SPAG16: variants seen among roughly 807,000 people sequenced by gnomAD.
SPAG16 encodes the protein sperm associated antigen 16.
A neutral mutation model predicts 80.4 loss-of-function variants in SPAG16; 86 were observed. The observed-to-expected ratio is 1.07, with a 90% CI of 0.90 to 1.28. The LOEUF (loss-of-function observed/expected upper bound fraction) is 1.28, where lower values mean the gene tolerates loss of function less well. Ranked by LOEUF, SPAG16 falls within the 50% of genes most tolerant of loss-of-function variation. SPAG16 has a pLI of 0.00. For synonymous variants in SPAG16, 294 were observed against 265.9 expected, an observed-to-expected ratio of 1.11 and a Z score of -1.03; for missense variants, 870 against 765.3, an observed-to-expected ratio of 1.14 and a Z score of -1.61.
chr2:213,950,697 T>C (rs1282230217), intron 12 of SPAG16, among the ~76,000 whole-genome samples: 2 of 114,340 alleles, frequency 1.7e-5, no homozygotes, highest in African/African-American at 5.7e-5. Flanking sequence ...TTTTCTTTTT[T>C]CTTTCTTTTT....
intron 15 of SPAG16, among the ~76,000 whole-genome samples, chr2:214,336,247 A>C (rs1325874115): frequency 1.3e-5 from 2 of 152,116 alleles, no homozygotes; most frequent in Non-Finnish European, 2.9e-5. Flanking sequence ...TTTATTATTT[A>C]ATTTGGACAA....
chr2:214,198,024 A>T (rs903878097), intron 15 of SPAG16, among the ~76,000 whole-genome samples: 2 of 152,078 alleles, frequency 1.3e-5, no homozygotes, highest in Non-Finnish European at 2.9e-5. Context: ...ATCGTGTATA[A>T]TCTTATAGAT....
Position 213,781,612 on chromosome 2 carries a change from C to A in SPAG16, c.1071-80873C>A, listed in dbSNP as rs77477399. Among the ~76,000 whole-genome samples the A allele has an allele frequency of 3.3e-5, 5 of 152,070 alleles. No individual in the cohort carries two copies. In the East Asian group the frequency reaches 5.8e-4, roughly 18 times the overall value. ...ACAGTATTTAAATTCAAACGGAAAG[C>A]GGTATTTTACATTAAGGAGAAAAAT... On this transcript the variant is annotated intron_variant, in intron 10 of 15. Transcript: ENST00000331683.
intron 10 of SPAG16, among the ~76,000 whole-genome samples, chr2:213,583,689 G>A (rs2060369794): frequency 6.6e-6 from 1 of 152,048 alleles, no homozygotes; most frequent in South Asian, 2.1e-4. Flanking sequence ...CTTCTCAGCT[G>A]CCTTTTGTAA....
At chr2:213,576,172 A>C (rs185630629) in intron 10 of SPAG16, among the ~76,000 whole-genome samples, 35 of 152,290 alleles carry the variant, frequency 2.3e-4, no homozygotes, top group Non-Finnish European at 4.7e-4. Flanking sequence ...CCATTTATTG[A>C]ATAGCGAGTC....
chr2:213,983,581 T>TG (rs1157536235), intron 12 of SPAG16, among the ~76,000 whole-genome samples: 1 of 152,028 alleles, frequency 6.6e-6, no homozygotes, highest in Non-Finnish European at 1.5e-5. Flanking sequence ...AGGCCTACAA[T>TG]GTTCCATGAA....
intron 12 of SPAG16, among the ~76,000 whole-genome samples, chr2:213,947,290 T>C (rs546969184): frequency 4.6e-5 from 7 of 152,300 alleles, no homozygotes; most frequent in African/African-American, 1.7e-4. Context: ...TTCTAGTCTG[T>C]GGTATTTTAC....
chr2:214,166,379 A>C (rs1051813735), intron 15 of SPAG16, among the ~76,000 whole-genome samples: 1 of 152,156 alleles, frequency 6.6e-6, no homozygotes, highest in African/African-American at 2.4e-5. Context: ...GAAGGGCAGG[A>C]AGAGAGGGAG....
At chr2:213,883,771 C>T (rs1209973001) in intron 11 of SPAG16, among the ~76,000 whole-genome samples, 1 of 152,146 alleles carries the variant, frequency 6.6e-6, no homozygotes, top group East Asian at 1.9e-4. Flanking sequence ...TAATGCCTTC[C>T]ATTGCCCTTT....
intron 4 of SPAG16, 52 bp from the exon 5 acceptor site, chr2:213,317,167 C>A: frequency 8.2e-7 from 1 of 1,217,488 alleles, no homozygotes; most frequent in Admixed American, 2.3e-5. Flanking sequence ...ATAAATTAAG[C>A]CAATTTGGCA....
chr2:213,791,359 G>C (rs751738433), intron 10 of SPAG16, among the ~76,000 whole-genome samples: 3 of 151,540 alleles, frequency 2.0e-5, no homozygotes, highest in African/African-American at 4.8e-5. Flanking sequence ...TTTGGTAAAA[G>C]TGGAAAGCAA....
At chr2:213,374,059 C>T (rs1208470455) in intron 8 of SPAG16, among the ~76,000 whole-genome samples, 1 of 152,018 alleles carries the variant, frequency 6.6e-6, no homozygotes, top group Non-Finnish European at 1.5e-5. Flanking sequence ...GTTTGGACAC[C>T]CAGGTCTCTC....
At chr2:213,994,577 C>CTT (rs5838404) in intron 12 of SPAG16, among the ~76,000 whole-genome samples, 35 of 139,122 alleles carry the variant, frequency 2.5e-4, no homozygotes, top group African/African-American at 7.6e-4. Context: ...ATTTTCCATC[C>CTT]TTTTTTTTTT....
intron 5 of SPAG16, among the ~76,000 whole-genome samples, chr2:213,329,415 G>T (rs779133394): frequency 2.0e-5 from 3 of 152,188 alleles, no homozygotes; most frequent in Non-Finnish European, 4.4e-5. Flanking sequence ...GGGAACTGGA[G>T]CAAAGGTGAC....
At chr2:213,505,657 A>C (rs2074937914) in intron 10 of SPAG16, among the ~76,000 whole-genome samples, 1 of 152,118 alleles carries the variant, frequency 6.6e-6, no homozygotes, top group East Asian at 1.9e-4. Flanking sequence ...TTTCTTTTAA[A>C]ATGAAAATGA....
At chr2:213,652,652 A>G (rs1340387747) in intron 10 of SPAG16, among the ~76,000 whole-genome samples, 2 of 152,130 alleles carry the variant, frequency 1.3e-5, no homozygotes, top group Non-Finnish European at 2.9e-5. Flanking sequence ...ATTATATCAG[A>G]CATTTTTTTC....
chr2:213,836,948 T>TTCTC (rs3045010), intron 10 of SPAG16, among the ~76,000 whole-genome samples: 54,328 of 150,620 alleles, frequency 0.36, 10,064 homozygotes, highest in East Asian at 0.52. Flanking sequence ...CAACAGTGCC[T>TTCTC]TCTCTCTCTC....
chr2:214,253,715 T>A (rs1293972628), intron 15 of SPAG16, among the ~76,000 whole-genome samples: 1 of 152,140 alleles, frequency 6.6e-6, no homozygotes, highest in Non-Finnish European at 1.5e-5. Context: ...ACACTCATAG[T>A]ATAGTTTGAA....
intron 1 of SPAG16, among the ~76,000 whole-genome samples, chr2:213,291,173 A>T (rs970435995): frequency 6.7e-6 from 1 of 148,230 alleles, no homozygotes; most frequent in African/African-American, 2.6e-5. Context: ...CATCTTAATC[A>T]TATTTCTATA....
Sources: gnomAD v4.1 joint callset for allele counts (sites outside exome capture counted in the v4.1 genomes callset) on GRCh38, gnomAD v4.1.1 for gene constraint, MANE v1.5 for transcripts, NCBI Gene and HGNC (gene_info 2026-07-23, HGNC 2026-07-21) for gene names.